CTNNA3: variants seen among roughly 807,000 people sequenced by gnomAD.
The protein encoded by CTNNA3 is catenin alpha-3.
In CTNNA3, 76 loss-of-function variants were observed where a neutral mutation model predicts 95.7. That is an observed-to-expected ratio of 0.79 (90% CI 0.66 to 0.96). The LOEUF (loss-of-function observed/expected upper bound fraction) is 0.96, where lower values mean the gene tolerates loss of function less well. Among genes scored for constraint, CTNNA3 ranks in the 40% least tolerant of loss-of-function variants. The pLI, the probability that CTNNA3 is intolerant of heterozygous loss-of-function variation, is 0.00. For synonymous variants in CTNNA3, 431 were observed against 374.4 expected, an observed-to-expected ratio of 1.15 and a Z score of -1.74; for missense variants, 1,191 against 1,089.8, an observed-to-expected ratio of 1.09 and a Z score of -1.31.
intron 7 of CTNNA3, among the ~76,000 whole-genome samples, chr10:66,810,200 A>G (rs931054525): frequency 3.3e-5 from 5 of 152,344 alleles, no homozygotes; most frequent in Admixed American, 1.3e-4. Context: ...TGAATTACCT[A>G]TCCATAGAAT....
chr10:67,015,662 A>G (rs1000078165), intron 7 of CTNNA3, among the ~76,000 whole-genome samples: 3 of 152,160 alleles, frequency 2.0e-5, no homozygotes, highest in Admixed American at 1.3e-4. Flanking sequence ...TTGTCCTAGA[A>G]CAGAGTATGA....
At chr10:66,220,243 G>A (rs1268840688) in intron 13 of CTNNA3, among the ~76,000 whole-genome samples, 1 of 152,174 alleles carries the variant, frequency 6.6e-6, no homozygotes, top group East Asian at 1.9e-4. Flanking sequence ...GCACAGTTTA[G>A]ATGCTCAGAA....
At chr10:66,267,036 G>T (rs992156407) in intron 13 of CTNNA3, among the ~76,000 whole-genome samples, 3 of 152,096 alleles carry the variant, frequency 2.0e-5, no homozygotes, top group African/African-American at 4.8e-5. Context: ...CTTGCTTAAA[G>T]AATCTCAATT....
intron 10 of CTNNA3, among the ~76,000 whole-genome samples, chr10:66,571,301 T>C (rs1842860062): frequency 6.6e-6 from 1 of 152,220 alleles, no homozygotes; most frequent in Admixed American, 6.5e-5. Context: ...AAAGCCTGAA[T>C]TGGTTATCGC....
chr10:67,585,311 G>A (rs1842587470), intron 3 of CTNNA3, among the ~76,000 whole-genome samples: 1 of 152,092 alleles, frequency 6.6e-6, no homozygotes, highest in South Asian at 2.1e-4. Context: ...TTTTATATGT[G>A]TCACCTCTGG....
At chr10:66,837,890 G>A (rs941041766) in intron 7 of CTNNA3, among the ~76,000 whole-genome samples, 15 of 151,900 alleles carry the variant, frequency 9.9e-5, no homozygotes, top group Admixed American at 6.6e-5. Context: ...ATTCTCTGCC[G>A]CCACTTGTCC....
At chr10:66,639,319 G>A (rs973279196) in intron 9 of CTNNA3, among the ~76,000 whole-genome samples, 5 of 152,132 alleles carry the variant, frequency 3.3e-5, no homozygotes, top group Non-Finnish European at 7.4e-5. Context: ...CCTAGTTACA[G>A]TGGCCATTTT....
intron 5 of CTNNA3, among the ~76,000 whole-genome samples, chr10:67,325,639 T>C (rs1024299932): frequency 3.3e-5 from 5 of 152,148 alleles, no homozygotes; most frequent in Middle Eastern, 3.2e-3. Context: ...TAGAGAATTG[T>C]TTTACTTCTG....
At chr10:67,671,008 T>C (rs7893415) in intron 1 of CTNNA3, among the ~76,000 whole-genome samples, 21,232 of 152,172 alleles carry the variant, frequency 0.14, 2,745 homozygotes, top group African/African-American at 0.34. Context: ...GGTCTATCTA[T>C]GTTGGACTAT....
intron 5 of CTNNA3, among the ~76,000 whole-genome samples, chr10:67,451,708 T>C (rs1846990494): frequency 6.6e-6 from 1 of 152,182 alleles, no homozygotes; most frequent in African/African-American, 2.4e-5. Flanking sequence ...CAACTAGAAT[T>C]TGATACTTCA....
At chr10:67,556,183 G>A (rs542625026) in intron 3 of CTNNA3, among the ~76,000 whole-genome samples, 14 of 152,080 alleles carry the variant, frequency 9.2e-5, no homozygotes, top group African/African-American at 9.7e-5. Flanking sequence ...TTTGTGCATC[G>A]ATGTTCATCA....
chr10:66,471,918 T>C (rs1564995712), intron 11 of CTNNA3, among the ~76,000 whole-genome samples: 1 of 152,000 alleles, frequency 6.6e-6, no homozygotes, highest in Non-Finnish European at 1.5e-5. Context: ...ATACACTCAA[T>C]TTGAAAATAT....
At chr10:67,718,424 T>A (rs1255738689) in intron 1 of CTNNA3, among the ~76,000 whole-genome samples, 4 of 152,226 alleles carry the variant, frequency 2.6e-5, no homozygotes, top group Non-Finnish European at 5.9e-5. Context: ...CTTTTGCCCA[T>A]TCAGAATGAT....
At chr10:67,646,191 T>C (rs1031113574) in intron 2 of CTNNA3, among the ~76,000 whole-genome samples, 1 of 150,890 alleles carries the variant, frequency 6.6e-6, no homozygotes, top group African/African-American at 2.4e-5. Flanking sequence ...TCTTTCTTTT[T>C]TTTTTTTTTT....
chr10:67,237,169 T>TATATATATATATATATATATAC (rs1865522839), intron 5 of CTNNA3, among the ~76,000 whole-genome samples: 1 of 117,646 alleles, frequency 8.5e-6, no homozygotes, highest in African/African-American at 3.2e-5. Context: ...TATATATATA[T>TATATATATATATATATATATAC]ATATACACAC....
At chr10:66,396,017 G>A (rs1455561437) in intron 11 of CTNNA3, among the ~76,000 whole-genome samples, 2 of 151,846 alleles carry the variant, frequency 1.3e-5, no homozygotes, top group South Asian at 2.1e-4. Context: ...GTTCCCACTT[G>A]TAAGTGAGAA....
chr10:67,119,873 C>T (rs2131989976), intron 7 of CTNNA3, among the ~76,000 whole-genome samples: 1 of 151,990 alleles, frequency 6.6e-6, no homozygotes, highest in African/African-American at 2.4e-5. Context: ...TTATGAAATA[C>T]TGCAAGTATT....
At chr10:67,297,448 T>A (rs898109391) in intron 5 of CTNNA3, among the ~76,000 whole-genome samples, 2 of 152,192 alleles carry the variant, frequency 1.3e-5, no homozygotes, top group South Asian at 4.1e-4. Context: ...CTGGAAGGAT[T>A]TCCCTTCCCA....
chr10:66,819,360 A>C (rs1842216872), intron 7 of CTNNA3, among the ~76,000 whole-genome samples: 1 of 152,166 alleles, frequency 6.6e-6, no homozygotes, highest in Admixed American at 6.6e-5. Flanking sequence ...CAAAGATCTA[A>C]AGGTAACTAG....
Sources: allele counts gnomAD v4.1 joint callset (sites outside exome capture counted in the v4.1 genomes callset), GRCh38; gene constraint gnomAD v4.1.1; transcripts MANE v1.5; gene names NCBI Gene and HGNC (gene_info 2026-07-23, HGNC 2026-07-21).